KIRREL3: variants seen among roughly 807,000 people sequenced by gnomAD.
The protein encoded by KIRREL3 is kirre like nephrin family adhesion molecule 3.
Under a neutral mutation model 89.7 loss-of-function variants are expected in KIRREL3, and 36 were observed. That is an observed-to-expected ratio of 0.40 (90% CI 0.31 to 0.53). KIRREL3 has a LOEUF of 0.53. KIRREL3 is among the 20% of genes least tolerant of loss of function. The pLI is 0.49. For synonymous variants in KIRREL3, 445 were observed against 441.4 expected (o/e 1.01, Z -0.10); for missense variants, 864 against 1,056.6 (o/e 0.82, Z 2.53).
Position 126,495,926 on chromosome 11 carries a change from C to T in KIRREL3, c.434-22460G>A, listed in dbSNP as rs1957644015. Among the ~76,000 whole-genome samples, 1 of 152,210 alleles carries T rather than the reference C, an allele frequency of 6.6e-6. No homozygotes were observed. Among genetic ancestry groups the T allele is most frequent in the African/African-American group, 2.4e-5 (1 of 41,470 alleles). On this transcript the variant is annotated intron_variant, in intron 4 of 16. Coordinates refer to ENST00000525144, the MANE Select transcript of KIRREL3 (RefSeq NM_032531.4). This position sits in a 1 kb window ranked among gnomAD's most constrained non-coding sequence, Gnocchi z 6.5. The stretch of plus-strand genomic sequence containing the variant: ...CTCGTATCCTAATTGCTGTGGGCTC[C>T]ACCTTTGAAACATGCACAGATCATC...
At position 126,744,865 on chromosome 11, in the gene KIRREL3, A is replaced by G. The variant is rs1003179198; in HGVS notation, c.56-181953T>C. Among the ~76,000 whole-genome samples the G allele has an allele frequency of 2.4e-5, 3 of 126,960 alleles. No individual in the cohort carries two copies. The highest frequency in any genetic ancestry group is 3.1e-5 in the African/African-American group (1 of 32,350). The allele number at this position is 126,960 out of a possible 152,430, so 83.3% of individuals were successfully genotyped here. A position where few individuals can be genotyped will look rare whatever the true frequency, so the allele number is the denominator to read the frequency against. Reference sequence around the variant, plus strand: ...TGACACAATAAATTGTGTCTGCCACATAGTAAGTGCTAAAAAAAAAAAAAA... The same window carrying G: ...TGACACAATAAATTGTGTCTGCCACGTAGTAAGTGCTAAAAAAAAAAAAAA... On this transcript the variant is annotated intron_variant, in intron 1 of 16. Coordinates refer to ENST00000525144, the MANE Select transcript of KIRREL3 (RefSeq NM_032531.4). This position sits in a 1 kb window ranked among gnomAD's most constrained non-coding sequence, Gnocchi z 4.7.
chr11:126,972,161 G>C (rs1184019347), intron 1 of KIRREL3, among the ~76,000 whole-genome samples: 1 of 47,922 alleles, frequency 2.1e-5, no homozygotes, highest in African/African-American at 6.3e-5. Flanking sequence ...TATGCAAGAG[G>C]GTCTGGTAGA....
rs1370709934 is a variant in KIRREL3 at position 126,890,055 on chromosome 11, A to T, written c.55+110400T>A. On this transcript the variant is annotated intron_variant, in intron 1 of 16. Coordinates refer to ENST00000525144, the MANE Select transcript of KIRREL3 (RefSeq NM_032531.4). This position sits in a 1 kb window ranked among gnomAD's most constrained non-coding sequence, Gnocchi z 5.1. ...AAATAAACCCCCAGCCACAATCACAAATAACTATCTGGTGGAGGATCTTGT... is the reference window on the plus strand; with the variant it reads ...AAATAAACCCCCAGCCACAATCACATATAACTATCTGGTGGAGGATCTTGT... 1.3e-5 allele frequency among the ~76,000 whole-genome samples: 2 copies of T among 152,180 alleles called. No homozygotes were observed.
chr11:126,674,055 G>T (rs908070530), intron 1 of KIRREL3, among the ~76,000 whole-genome samples: 1 of 152,242 alleles, frequency 6.6e-6, no homozygotes, highest in Non-Finnish European at 1.5e-5. Context: ...TTGCATGAGA[G>T]CCAGAGGATG....
rs1178218517 is a variant in KIRREL3 at position 126,578,520 on chromosome 11, G to A, written c.56-15608C>T. ...AGGTGGGGACGGGGTGAGAACTTGG[G>A]GTGTGGCGTGTCCCTGTGGGTGGAC... On this transcript the variant is annotated intron_variant, in intron 1 of 16. Transcript: ENST00000525144. The surrounding 1 kb of genome is among the most constrained non-coding windows in gnomAD (Gnocchi z 4.9). Among the ~76,000 whole-genome samples the A allele has an allele frequency of 6.6e-6, 1 of 152,146 alleles. No individual in the cohort carries two copies.
intron 2 of KIRREL3, among the ~76,000 whole-genome samples, chr11:126,538,582 C>G (rs528849145): frequency 6.6e-6 from 1 of 151,716 alleles, no homozygotes; most frequent in East Asian, 1.9e-4. Flanking sequence ...TGAGAAATTT[C>G]CAGAATGCCC....
rs1424766955 is a variant in KIRREL3, at chr11:126,948,226, A to G, written c.55+52229T>C. On this transcript the variant is annotated intron_variant, in intron 1 of 16. Coordinates refer to ENST00000525144, the MANE Select transcript of KIRREL3 (RefSeq NM_032531.4). This position sits in a 1 kb window ranked among gnomAD's most constrained non-coding sequence, Gnocchi z 4.5. ...TCTTTCTCCTTTGATTTAATAAGAA[A>G]CCAATTCTATATTATTGAAATTGTA... 6.6e-6 allele frequency among the ~76,000 whole-genome samples: 1 copy of G among 152,180 alleles called. No homozygotes were observed. The highest frequency in any genetic ancestry group is 1.5e-5 in the Non-Finnish European group (1 of 68,038).
chr11:126,947,156 G>A (rs1407191313), intron 1 of KIRREL3, among the ~76,000 whole-genome samples: 1 of 152,050 alleles, frequency 6.6e-6, no homozygotes, highest in African/African-American at 2.4e-5. Flanking sequence ...TCGTTTATGA[G>A]CCAACCATCT....
Position 126,908,694 on chromosome 11 carries a change from A to G in KIRREL3, c.55+91761T>C, listed in dbSNP as rs1667933469. On this transcript the variant is annotated intron_variant, in intron 1 of 16. Transcript: ENST00000525144. This position sits in a 1 kb window ranked among gnomAD's most constrained non-coding sequence, Gnocchi z 4.2. ...AGTATTAAAGGGCTTCCCATACACC[A>G]GAAACTGGGGATTCCACAGTAGATT... Among the ~76,000 whole-genome samples the G allele has an allele frequency of 6.6e-6, 1 of 152,204 alleles. No individual in the cohort carries two copies. The highest frequency in any genetic ancestry group is 6.5e-5 in the Admixed American group (1 of 15,276).
chr11:126,717,227 G>A (rs560170400), intron 1 of KIRREL3, among the ~76,000 whole-genome samples: 5 of 152,312 alleles, frequency 3.3e-5, no homozygotes, highest in African/African-American at 1.2e-4. Flanking sequence ...GCCTGAGGTT[G>A]GGAGTTAGGA....
intron 1 of KIRREL3, among the ~76,000 whole-genome samples, chr11:126,888,750 C>T (rs73032223): frequency 0.022 from 3,419 of 152,218 alleles, 55 homozygotes; most frequent in South Asian, 0.033. Context: ...GCAGACTGAC[C>T]GTGGGCAAGA....
At chr11:126,984,742 A>G (rs1367922979) in intron 1 of KIRREL3, among the ~76,000 whole-genome samples, 1 of 152,136 alleles carries the variant, frequency 6.6e-6, no homozygotes, top group Non-Finnish European at 1.5e-5. Flanking sequence ...CTGCCTCTCA[A>G]TGAAGTATTC....
rs953010736 is a variant in KIRREL3 at position 126,715,078 on chromosome 11, T to C, written c.56-152166A>G. On this transcript the variant is annotated intron_variant, in intron 1 of 16. Coordinates refer to ENST00000525144, the MANE Select transcript of KIRREL3 (RefSeq NM_032531.4). The surrounding 1 kb of genome is among the most constrained non-coding windows in gnomAD (Gnocchi z 4.4). ...ATGGCTGGGGACTCCATCCTCCTAA[T>C]GATCAGGTTCTTGTGCAAGCCTGTG... 5.9e-5 allele frequency among the ~76,000 whole-genome samples: 9 copies of C among 152,208 alleles called. No homozygotes were observed. The highest frequency in any genetic ancestry group is 2.2e-4 in the African/African-American group (9 of 41,452).
chr11:126,454,695 G>T lies in KIRREL3; in HGVS notation c.848+1654C>A, dbSNP rs1956282698. On this transcript the variant is annotated intron_variant, in intron 7 of 16. Coordinates refer to ENST00000525144, the MANE Select transcript of KIRREL3 (RefSeq NM_032531.4). This position sits in a 1 kb window ranked among gnomAD's most constrained non-coding sequence, Gnocchi z 5.8. ...ATTGGGCGCCTCTCTTGTATCTTCA[G>T]TGGCTTCTGAATAGATGCCAGACCA... is the stretch of plus-strand genomic sequence containing the variant. 6.6e-6 allele frequency among the ~76,000 whole-genome samples: 1 copy of T among 152,114 alleles called. No homozygotes were observed. Among genetic ancestry groups the T allele is most frequent in the South Asian group, 2.1e-4 (1 of 4,826 alleles).
In KIRREL3 at chr11:126,463,035, C is replaced by G; in HGVS notation, c.742+122G>C. 2.2e-6 allele frequency: 2 copies of G among 900,032 alleles called. No individual in the cohort carries two copies. The highest frequency in any genetic ancestry group is 1.7e-6 in the Non-Finnish European group (1 of 586,318). The allele number at this position is 900,032 out of a possible 1,614,324, so 55.8% of individuals were successfully genotyped here. On this transcript the variant is annotated intron_variant, in intron 6 of 16. Coordinates refer to ENST00000525144, the MANE Select transcript of KIRREL3 (RefSeq NM_032531.4). The surrounding 1 kb of genome is among the most constrained non-coding windows in gnomAD (Gnocchi z 5.9). ...CTTCCTGTCCGTATCTACAAGCTGG[C>G]CAATCCACAGAGCTGCCTGACCCAT...
At position 126,522,780 on chromosome 11, in the gene KIRREL3, G is replaced by A. The variant is rs114262243; in HGVS notation, c.284-1316C>T. Among the ~76,000 whole-genome samples, 940 of 152,044 alleles carry A rather than the reference G, an allele frequency of 6.2e-3. 6 individuals are homozygous for A. The highest frequency in any genetic ancestry group is 0.014 in the African/African-American group (597 of 41,454). On this transcript the variant is annotated intron_variant, in intron 3 of 16. Transcript: ENST00000525144. The surrounding 1 kb of genome is among the most constrained non-coding windows in gnomAD (Gnocchi z 6.0). The stretch of plus-strand genomic sequence containing the variant: ...GATTTACAACTGGACTCCAATCCCC[G>A]CTGTCTTTCATCTCTGTCCCGGTTC...
At chr11:126,868,616 T>C (rs1945002013) in intron 1 of KIRREL3, among the ~76,000 whole-genome samples, 1 of 152,140 alleles carries the variant, frequency 6.6e-6, no homozygotes, top group Non-Finnish European at 1.5e-5. Context: ...TGTAGGAGTG[T>C]CATATACTAT....
rs1348945658 is a variant in KIRREL3, at chr11:126,641,098, A to C, written c.56-78186T>G. 6.6e-6 allele frequency among the ~76,000 whole-genome samples: 1 copy of C among 152,178 alleles called. No homozygotes were observed. Among genetic ancestry groups the C allele is most frequent in the Admixed American group, 6.5e-5 (1 of 15,276 alleles). On this transcript the variant is annotated intron_variant, in intron 1 of 16. Coordinates refer to ENST00000525144, the MANE Select transcript of KIRREL3 (RefSeq NM_032531.4). This position sits in a 1 kb window ranked among gnomAD's most constrained non-coding sequence, Gnocchi z 5.0. ...CTCTCACGGTCTTCTTCATCTTTGAAGAAGATGATAAACTTGTCAGTGGCA... is the reference window on the plus strand; with the variant it reads ...CTCTCACGGTCTTCTTCATCTTTGACGAAGATGATAAACTTGTCAGTGGCA...
intron 2 of KIRREL3, among the ~76,000 whole-genome samples, chr11:126,548,164 T>C (rs1938966830): frequency 6.6e-6 from 1 of 152,174 alleles, no homozygotes; most frequent in Non-Finnish European, 1.5e-5. Flanking sequence ...TGTACCTCTC[T>C]TTAGTTCTCC....
Sources: allele counts gnomAD v4.1 joint callset (sites outside exome capture counted in the v4.1 genomes callset), GRCh38; gene constraint gnomAD v4.1.1; non-coding constraint Gnocchi (gnomAD v3.1); transcripts MANE v1.5; gene names NCBI Gene and HGNC (gene_info 2026-07-23, HGNC 2026-07-21).